ZFC3H1: variants seen among roughly 807,000 people sequenced by gnomAD.
The protein encoded by ZFC3H1 is zinc finger C3H1-type containing.
ZFC3H1 carries 71 observed loss-of-function variants against 243.7 expected under a neutral mutation model. That is an observed-to-expected ratio of 0.29 (90% CI 0.24 to 0.36). The LOEUF (loss-of-function observed/expected upper bound fraction) is 0.36, where lower values mean the gene tolerates loss of function less well. Ranked by LOEUF, ZFC3H1 falls within the 10% of genes least tolerant of loss-of-function variation. ZFC3H1 has a pLI of 1.00. For synonymous variants in ZFC3H1, 838 were observed against 813.0 expected, an observed-to-expected ratio of 1.03 and a Z score of -0.52; for missense variants, 1,966 against 2,317.1, an observed-to-expected ratio of 0.85 and a Z score of 3.11.
chr12:71,661,024 C>T (rs963988987), intron 1 of ZFC3H1, among the ~76,000 whole-genome samples: 3 of 151,864 alleles, frequency 2.0e-5, no homozygotes, highest in Admixed American at 6.5e-5. Context: ...TCCACATTGG[C>T]TGGGCACGGT....
At position 71,633,302 on chromosome 12, in the gene ZFC3H1, T is replaced by G. The variant is rs374087173; in HGVS notation, c.2647A>C (p.Asn883His). The G allele has an allele frequency of 1.6e-5, 26 of 1,594,172 alleles. No homozygotes were observed. In the African/African-American group the frequency reaches 3.4e-4, roughly 21 times the overall value. ...EQLQATEKIL[N>H]VNRMFLKKLQ... ...TTCTTCAAAAACATTCTGTTAACAT[T>G]AAGAATTTTTTCAGTTGCTTGAAGC... is the stretch of plus-strand genomic sequence containing the variant. The change falls in exon 13 of 35, where the codon AAT becomes CAT. Residue 883 changes from asparagine (N) to histidine (H), a missense_variant. Physicochemically the swap from Asn to His is moderately conservative, Grantham distance 68 (BLOSUM62 1). Around this residue, in one of 4 missense-constraint regions of ZFC3H1, gnomAD observed 1,383 missense variants for 1,723.7 expected, o/e 0.80. Coordinates refer to ENST00000378743, the MANE Select transcript of ZFC3H1 (RefSeq NM_144982.5).
intron 5 of ZFC3H1, among the ~76,000 whole-genome samples, chr12:71,642,838 G>A (rs1880633488): frequency 6.6e-6 from 1 of 152,152 alleles, no homozygotes; most frequent in Non-Finnish European, 1.5e-5. Context: ...AGCTCTTCCT[G>A]TATAAAATGA....
At chr12:71,616,723 G>C in intron 27 of ZFC3H1, among the ~76,000 whole-genome samples, 1 of 152,162 alleles carries the variant, frequency 6.6e-6, no homozygotes, top group East Asian at 1.9e-4. Flanking sequence ...AATTGCAAGG[G>C]AACAAGTCTT....
At chr12:71,643,029 T>C (rs917703171) in intron 5 of ZFC3H1, among the ~76,000 whole-genome samples, 4 of 152,222 alleles carry the variant, frequency 2.6e-5, no homozygotes, top group African/African-American at 7.2e-5. Flanking sequence ...TGTTTATCTA[T>C]TGTATGTTGT....
chr12:71,652,983 C>G (rs1448031809), intron 2 of ZFC3H1, among the ~76,000 whole-genome samples: 2 of 150,374 alleles, frequency 1.3e-5, no homozygotes, highest in Non-Finnish European at 3.0e-5. Flanking sequence ...CATATTACAA[C>G]AAAACAAAAT....
intron 2 of ZFC3H1, 28 bp downstream of exon 2, chr12:71,656,857 T>C (rs1279408394): frequency 7.6e-6 from 12 of 1,576,924 alleles, no homozygotes; most frequent in Non-Finnish European, 1.0e-5. Context: ...GAAGAGTCAT[T>C]ACTAACTGAA....
chr12:71,623,299 T>C, intron 24 of ZFC3H1, 61 bp downstream of exon 24: 1 of 1,320,346 alleles, frequency 7.6e-7, no homozygotes, highest in South Asian at 1.6e-5. Context: ...AATGGGTAGT[T>C]AATGTTCTAA....
intron 9 of ZFC3H1, 63 bp downstream of exon 9, chr12:71,636,427 T>TA: frequency 6.6e-7 from 1 of 1,513,978 alleles, no homozygotes; most frequent in East Asian, 2.3e-5. Context: ...ACAGGACAGC[T>TA]AAACTTCATA....
At chr12:71,614,319 T>C (rs1879843559) in intron 30 of ZFC3H1, among the ~76,000 whole-genome samples, 1 of 151,252 alleles carries the variant, frequency 6.6e-6, no homozygotes, top group African/African-American at 2.4e-5. Flanking sequence ...TTCATAACCA[T>C]AACATAATAA....
At chr12:71,611,548 A>T in intron 32 of ZFC3H1, 1 of 167,574 alleles carries the variant, frequency 6.0e-6, no homozygotes, top group Non-Finnish European at 1.3e-5. Context: ...CTTCAAAGAA[A>T]ATTAAAAGTC....
intron 9 of ZFC3H1, 60 bp from the exon 10 acceptor site, chr12:71,635,640 A>C: frequency 6.9e-7 from 1 of 1,458,708 alleles, no homozygotes; most frequent in Non-Finnish European, 9.0e-7. Flanking sequence ...AACCTTGTTC[A>C]ATTTCAATCC....
Position 71,644,129 on chromosome 12 carries a change from T to C in ZFC3H1, c.1469A>G (p.Lys490Arg). 6.2e-7 allele frequency: 1 copy of C among 1,613,788 alleles called. No individual in the cohort carries two copies. The highest frequency in any genetic ancestry group is 2.2e-5 in the East Asian group (1 of 44,830). The change falls in exon 5 of 35, where the codon AAA (lysine) becomes AGA (arginine). Residue 490 changes from lysine (K) to arginine (R), a missense_variant. Physicochemically the swap from Lys to Arg is conservative, Grantham distance 26. Transcript: ENST00000378743. ...TGATCTCCTCTTGCCACCAACCAATTTCATGAATCGATTGTACTGTTCTTC... is the reference window on the plus strand; with the variant it reads ...TGATCTCCTCTTGCCACCAACCAATCTCATGAATCGATTGTACTGTTCTTC... The part of the protein sequence containing the change: ...NQEEQYNRFM[K>R]LVGGKRRSRS...
intron 24 of ZFC3H1, among the ~76,000 whole-genome samples, chr12:71,622,852 T>G (rs573706157): frequency 6.6e-6 from 1 of 152,210 alleles, no homozygotes; most frequent in Non-Finnish European, 1.5e-5. Flanking sequence ...AATGTATAGA[T>G]TTTATCTTCT....
Position 71,625,119 on chromosome 12 carries a change from TA to T in ZFC3H1, c.4318-828del, listed in dbSNP as rs147747974. On this transcript the variant is annotated intron_variant, in intron 22 of 34. Transcript: ENST00000378743. ...TTCACTTAGGTACAATGCTCTAGGTTAAAAAAAAATCAAGCATGCTTTACTA... is the reference window on the plus strand; with the variant it reads ...TTCACTTAGGTACAATGCTCTAGGTTAAAAAAAATCAAGCATGCTTTACTA... Among the ~76,000 whole-genome samples the T allele has an allele frequency of 2.8e-4, 42 of 151,710 alleles. No individual in the cohort carries two copies. In the South Asian group the frequency reaches 8.7e-3, roughly 32 times the overall value.
chr12:71,628,790 G>T, intron 20 of ZFC3H1, 128 bp downstream of exon 20: 1 of 878,122 alleles, frequency 1.1e-6, no homozygotes, highest in Non-Finnish European at 1.6e-6. Flanking sequence ...AAACCCAATG[G>T]CATCGTTTTT....
At chr12:71,615,152 T>C in intron 28 of ZFC3H1, 54 bp downstream of exon 28, 2 of 1,397,568 alleles carry the variant, frequency 1.4e-6, no homozygotes, top group South Asian at 1.2e-5. Flanking sequence ...AATTCAGTAA[T>C]AAATAGCAAA....
In ZFC3H1 at chr12:71,663,282, A is replaced by T; in HGVS notation, c.329T>A (p.Phe110Tyr). 1 of 1,613,492 alleles carries T rather than the reference A, an allele frequency of 6.2e-7. No individual in the cohort carries two copies. The highest frequency in any genetic ancestry group is 8.5e-7 in the Non-Finnish European group (1 of 1,180,026). The change falls in exon 1 of 35, where the codon TTC becomes TAC. Residue 110 changes from phenylalanine to tyrosine, a missense_variant. Transcript: ENST00000378743. ...CCGTACAGAAGGCGGATGAGACCGG[A>T]ACGGTTCTTTGGGTCGGTAGCTGCT... ...GPSSYRPKEP[F>Y]RSHPPSVRMP...
intron 2 of ZFC3H1, among the ~76,000 whole-genome samples, chr12:71,655,466 G>T (rs1158215545): frequency 6.6e-6 from 1 of 151,648 alleles, no homozygotes; most frequent in Non-Finnish European, 1.5e-5. Flanking sequence ...CTTATTTCAG[G>T]GTAAATTAAA....
chr12:71,661,574 C>T (rs1353798695), intron 1 of ZFC3H1, among the ~76,000 whole-genome samples: 6 of 151,172 alleles, frequency 4.0e-5, no homozygotes, highest in South Asian at 2.1e-4. Flanking sequence ...CTCTGCCTCC[C>T]GAGTTCAATC....
Sources: gnomAD v4.1 joint callset for allele counts (sites outside exome capture counted in the v4.1 genomes callset) on GRCh38, gnomAD v4.1.1 for gene constraint, gnomAD v4.1.1 regional missense constraint, MANE v1.5 for transcripts, NCBI Gene and HGNC (gene_info 2026-07-23, HGNC 2026-07-21) for gene names.